The following ZMAT3 variants were observed in gnomAD, a reference collection of about 807,000 sequenced individuals.
ZMAT3 encodes zinc finger matrin-type 3.
A neutral mutation model predicts 32.3 loss-of-function variants in ZMAT3; 17 were observed. That is an observed-to-expected ratio of 0.53 (90% confidence interval 0.36 to 0.79). The LOEUF (loss-of-function observed/expected upper bound fraction) is 0.79, where lower values mean the gene tolerates loss of function less well. ZMAT3 is among the 30% of genes least tolerant of loss of function. The pLI is 0.00. For missense variants in ZMAT3, 329 were observed against 359.7 expected, an observed-to-expected ratio of 0.91 and a Z score of 0.69; for synonymous variants, 120 against 133.1, an observed-to-expected ratio of 0.90 and a Z score of 0.68.
chr3:179,041,570 C>T (rs1282777368), intron 2 of ZMAT3, among the ~76,000 whole-genome samples: 1 of 152,136 alleles, frequency 6.6e-6, no homozygotes, highest in East Asian at 1.9e-4. Context: ...GTCTCTGGGA[C>T]ACATTTAAAG....
Position 179,018,747 on chromosome 3 carries a change from G to T in ZMAT3, c.*6270C>A, listed in dbSNP as rs1207126817. The T allele has an allele frequency of 6.6e-6, 1 of 151,998 alleles. No homozygotes were observed. Among genetic ancestry groups the T allele is most frequent in the Non-Finnish European group, 1.5e-5 (1 of 67,964 alleles). The allele number at this position is 151,998 out of a possible 1,614,324, so 9.4% of individuals were successfully genotyped here. A position where few individuals can be genotyped will look rare whatever the true frequency, so the allele number is the denominator to read the frequency against. ...CAATAAAGCTAAAGATGGTTACTAA[G>T]GCTTACAATTTCAACAACTCATTGT... is the stretch of plus-strand genomic sequence containing the variant. On this transcript the variant is annotated 3_prime_UTR_variant, in exon 6 of 6. Transcript: ENST00000311417.
chr3:179,020,362 A>G lies in ZMAT3; in HGVS notation c.*4655T>C, dbSNP rs1448036816. 2 of 152,200 alleles carry G rather than the reference A, an allele frequency of 1.3e-5. No individual in the cohort carries two copies. The highest frequency in any genetic ancestry group is 4.8e-5 in the African/African-American group (2 of 41,452). The allele number at this position is 152,200 out of a possible 1,614,324, so 9.4% of individuals were successfully genotyped here. A position where few individuals can be genotyped will look rare whatever the true frequency, so the allele number is the denominator to read the frequency against. ...CAGTAGAAGCGTTTTATGAGAAGCT[A>G]TTTACACAGCTATTTGTCCATTCAG... On this transcript the variant is annotated 3_prime_UTR_variant, in exon 6 of 6. Coordinates refer to ENST00000311417, the MANE Select transcript of ZMAT3 (RefSeq NM_022470.4).
chr3:179,048,972 G>GA (rs1218727966), intron 2 of ZMAT3, among the ~76,000 whole-genome samples: 5 of 152,088 alleles, frequency 3.3e-5, no homozygotes, highest in Non-Finnish European at 7.4e-5. Flanking sequence ...GTAACAGGGT[G>GA]AAAAAAGATA....
At chr3:179,045,827 C>T (rs1448439510) in intron 2 of ZMAT3, among the ~76,000 whole-genome samples, 1 of 152,098 alleles carries the variant, frequency 6.6e-6, no homozygotes, top group African/African-American at 2.4e-5. Context: ...AATCATTCAG[C>T]ACAACAATAA....
chr3:179,035,112 A>G (rs76452048), intron 2 of ZMAT3, among the ~76,000 whole-genome samples: 25 of 152,002 alleles, frequency 1.6e-4, no homozygotes, highest in African/African-American at 6.0e-4. Flanking sequence ...GCTTTCTGCT[A>G]TACTTAAAAT....
rs1314035192 is a variant in ZMAT3, at chr3:179,021,317, T to A, written c.*3700A>T. The A allele has an allele frequency of 6.6e-6, 1 of 152,210 alleles. No individual in the cohort carries two copies. Among genetic ancestry groups the A allele is most frequent in the Non-Finnish European group, 1.5e-5 (1 of 68,040 alleles). The allele number at this position is 152,210 out of a possible 1,614,324, so 9.4% of individuals were successfully genotyped here. ...TACAGGGCACACTCAGTTTAGTAAC[T>A]GAACTTTTTTTACAAAACCACTTCA... On this transcript the variant is annotated 3_prime_UTR_variant, in exon 6 of 6. Coordinates refer to ENST00000311417, the MANE Select transcript of ZMAT3 (RefSeq NM_022470.4).
At chr3:179,055,965 T>C (rs1720821189) in intron 2 of ZMAT3, among the ~76,000 whole-genome samples, 1 of 152,006 alleles carries the variant, frequency 6.6e-6, no homozygotes, top group Non-Finnish European at 1.5e-5. Flanking sequence ...AACATGGAGA[T>C]TGGTGCCACA....
chr3:179,040,728 T>C (rs997653341), intron 2 of ZMAT3, among the ~76,000 whole-genome samples: 1 of 152,042 alleles, frequency 6.6e-6, no homozygotes, highest in African/African-American at 2.4e-5. Context: ...ATAACAATAC[T>C]AACCTTAAAT....
At chr3:179,028,622 T>C (rs918628203) in intron 3 of ZMAT3, among the ~76,000 whole-genome samples, 1 of 152,234 alleles carries the variant, frequency 6.6e-6, no homozygotes, top group Non-Finnish European at 1.5e-5. Flanking sequence ...CAGCCCCCAC[T>C]GGGGGTAGCT....
At position 179,067,652 on chromosome 3, in the gene ZMAT3, G is replaced by A. The variant is rs2108592152; in HGVS notation, c.101C>T (p.Pro34Leu). 1.2e-6 allele frequency: 2 copies of A among 1,614,154 alleles called. No homozygotes were observed. Among genetic ancestry groups the A allele is most frequent in the South Asian group, 2.2e-5 (2 of 91,084 alleles). ...ATRSTGTLQL[P>L]PQKPFGQEAS... Reference sequence around the variant, plus strand: ...CTCCTGCCCAAAAGGCTTCTGTGGTGGAAGCTGCAAGGTTCCTGTAGACCT... The same window carrying A: ...CTCCTGCCCAAAAGGCTTCTGTGGTAGAAGCTGCAAGGTTCCTGTAGACCT... The change falls in exon 2 of 6, where the codon CCA becomes CTA. Residue 34 changes from proline to leucine, a missense_variant. Coordinates refer to ENST00000311417, the MANE Select transcript of ZMAT3 (RefSeq NM_022470.4).
At chr3:179,047,998 G>T (rs568886137) in intron 2 of ZMAT3, among the ~76,000 whole-genome samples, 1 of 152,140 alleles carries the variant, frequency 6.6e-6, no homozygotes, top group Non-Finnish European at 1.5e-5. Flanking sequence ...TGAAGGACAC[G>T]CTCAGAGAAA....
At chr3:179,035,111 T>C (rs1231815109) in intron 2 of ZMAT3, among the ~76,000 whole-genome samples, 2 of 151,922 alleles carry the variant, frequency 1.3e-5, no homozygotes, top group African/African-American at 4.8e-5. Context: ...GGCTTTCTGC[T>C]ATACTTAAAA....
At chr3:179,036,863 CACA>C (rs1356330945) in intron 2 of ZMAT3, among the ~76,000 whole-genome samples, 2 of 152,060 alleles carry the variant, frequency 1.3e-5, no homozygotes, top group African/African-American at 2.4e-5. Context: ...AGGTGGAGTC[CACA>C]ACGAGAGTGA....
At chr3:179,064,839 T>C (rs1721325686) in intron 2 of ZMAT3, among the ~76,000 whole-genome samples, 2 of 152,194 alleles carry the variant, frequency 1.3e-5, no homozygotes, top group Non-Finnish European at 2.9e-5. Flanking sequence ...CTTTGGTAGC[T>C]CACCCACTTC....
intron 2 of ZMAT3, among the ~76,000 whole-genome samples, chr3:179,048,102 T>C (rs1394065261): frequency 6.6e-6 from 1 of 152,008 alleles, no homozygotes; most frequent in Admixed American, 6.6e-5. Flanking sequence ...CCCAAATTGA[T>C]AAAGACAAAG....
chr3:179,051,839 A>C (rs965640117), intron 2 of ZMAT3, among the ~76,000 whole-genome samples: 1 of 152,222 alleles, frequency 6.6e-6, no homozygotes, highest in African/African-American at 2.4e-5. Flanking sequence ...CATTTAGACC[A>C]ATAAAACAGA....
rs993517182 is a variant in ZMAT3, at chr3:179,018,125, C to T, written c.*6892G>A. 1 of 152,040 alleles carries T rather than the reference C, an allele frequency of 6.6e-6. No homozygotes were observed. 9.4% of individuals were successfully genotyped at this position (152,040 alleles called of 1,614,324 possible). On this transcript the variant is annotated 3_prime_UTR_variant, in exon 6 of 6. Coordinates refer to ENST00000311417, the MANE Select transcript of ZMAT3 (RefSeq NM_022470.4). ...ATATTTGCAGAGTAGAAACAAACTG[C>T]CCTATTTGCGCTTTGCCCTAGGATA...
At chr3:179,054,847 C>T (rs1720752394) in intron 2 of ZMAT3, among the ~76,000 whole-genome samples, 1 of 152,208 alleles carries the variant, frequency 6.6e-6, no homozygotes, top group African/African-American at 2.4e-5. Context: ...GGGCTAAAGG[C>T]TTGCCATTGT....
Position 179,046,162 on chromosome 3 carries a change from C to T in ZMAT3, c.271-15163G>A, listed in dbSNP as rs1026754859. ...GAAGAAGTCACTAAAAGCAGAAGAA[C>T]AGCTGATACAGGAGCTGAAGAGCAT... On this transcript the variant is annotated intron_variant, in intron 2 of 5. Transcript: ENST00000311417. This position sits in a 1 kb window ranked among gnomAD's most constrained non-coding sequence, Gnocchi z 4.3. Among the ~76,000 whole-genome samples the T allele has an allele frequency of 4.6e-5, 7 of 152,076 alleles. No homozygotes were observed. Among genetic ancestry groups the T allele is most frequent in the Admixed American group, 1.3e-4 (2 of 15,268 alleles).
Sources: gnomAD v4.1 joint callset for allele counts (sites outside exome capture counted in the v4.1 genomes callset) on GRCh38, gnomAD v4.1.1 for gene constraint, Gnocchi (gnomAD v3.1) non-coding constraint, MANE v1.5 for transcripts, NCBI Gene and HGNC (gene_info 2026-07-23, HGNC 2026-07-21) for gene names.